Variants in MINAR1 observed in about 807,000 individuals in gnomAD.
MINAR1 encodes the protein membrane integral NOTCH2 associated receptor 1, also known as major intrinsically disordered Notch2-binding receptor 1.
A neutral mutation model predicts 65.1 loss-of-function variants in MINAR1; 40 were observed. The observed-to-expected ratio is 0.61, with a 90% CI of 0.48 to 0.80. The LOEUF is 0.80. Among genes scored for constraint, MINAR1 ranks in the 30% least tolerant of loss-of-function variants. The pLI, the probability that MINAR1 is intolerant of heterozygous loss-of-function variation, is 0.00. For missense variants in MINAR1, 1,128 were observed against 1,148.0 expected, an observed-to-expected ratio of 0.98 and a Z score of 0.25; for synonymous variants, 482 against 449.1, an observed-to-expected ratio of 1.07 and a Z score of -0.93.
At position 79,458,347 on chromosome 15, in the gene MINAR1, C is replaced by G; in HGVS notation, c.2200C>G (p.Arg734Gly). Residue 734 changes from arginine to glycine, a missense_variant, in exon 2 of 4, where the codon CGC becomes GGC. By Grantham distance (125) the Arg-to-Gly change is moderately radical (BLOSUM62 -2). Transcript: ENST00000305428. ...ASISNSPRDWRTITYTNRVGL... is the reference protein window; with the variant it reads ...ASISNSPRDWGTITYTNRVGL... Reference sequence around the variant, plus strand: ...CATCTCCAACTCGCCCAGAGACTGGCGCACCATCACTTATACCAACCGTGT... The same window carrying G: ...CATCTCCAACTCGCCCAGAGACTGGGGCACCATCACTTATACCAACCGTGT... The G allele has an allele frequency of 6.2e-7, 1 of 1,614,138 alleles. No individual in the cohort carries two copies. Among genetic ancestry groups the G allele is most frequent in the African/African-American group, 1.3e-5 (1 of 75,028 alleles).
chr15:79,457,815 C>A lies in MINAR1; in HGVS notation c.1668C>A (p.Cys556Ter). 5 of 1,614,124 alleles carry A rather than the reference C, an allele frequency of 3.1e-6. No individual in the cohort carries two copies. The highest frequency in any genetic ancestry group is 4.2e-6 in the Non-Finnish European group (5 of 1,180,022). The change falls in exon 2 of 4, where the codon TGC (cysteine) becomes TGA (stop). Residue 556 changes from cysteine (C) to a stop codon, truncating the protein, a stop_gained. Coordinates refer to ENST00000305428, the MANE Select transcript of MINAR1 (RefSeq NM_015206.3). LOFTEE classifies it high-confidence loss of function. Reference sequence around the variant, plus strand: ...TGTCTCAGCTCCATAAGTCAGACTGCGACAGTTCCCCTGAGCACAACTTAA... The same window carrying A: ...TGTCTCAGCTCCATAAGTCAGACTGAGACAGTTCCCCTGAGCACAACTTAA... ...GSLSQLHKSD[C>*]DSSPEHNLTK...
rs61746211 is a variant in MINAR1, at chr15:79,463,241, C to T, written c.2473C>T (p.Arg825Trp). ...MRLTELAEVK[R>W]GQPSWTIEEY... ...GCTGACCGAGTTGGCCGAGGTGAAG[C>T]GGGGCCAACCTTCTTGGACCATTGA... Residue 825 changes from arginine to tryptophan, a missense_variant, in exon 3 of 4, where the codon CGG becomes TGG. Transcript: ENST00000305428. The T allele has an allele frequency of 2.9e-3, 4,635 of 1,614,198 alleles. 6 individuals are homozygous for T. The highest frequency in any genetic ancestry group is 3.6e-3 in the Non-Finnish European group (4,290 of 1,180,046).
intron 1 of MINAR1, among the ~76,000 whole-genome samples, chr15:79,432,878 G>A (rs1250334806): frequency 6.6e-6 from 1 of 152,224 alleles, no homozygotes; most frequent in Non-Finnish European, 1.5e-5. Context: ...CATCGCTTCA[G>A]GAAACGGTGT....
chr15:79,463,551 T>G (rs1267145700), intron 3 of MINAR1: 2 of 660,916 alleles, frequency 3.0e-6, no homozygotes, highest in African/African-American at 3.6e-5. Context: ...AATGCTTGAT[T>G]GATTTATGTA....
chr15:79,466,760 G>A (rs986096963), intron 3 of MINAR1, among the ~76,000 whole-genome samples: 1 of 152,190 alleles, frequency 6.6e-6, no homozygotes, highest in Non-Finnish European at 1.5e-5. Context: ...TAGCTAAGGA[G>A]GGGACTCTTT....
chr15:79,466,350 C>A lies in MINAR1; in HGVS notation c.2554-1837C>A, dbSNP rs145962809. ...CTCTGTAAAGGACCAGATAGTAAATCCTTTAGGCCTTGTGGGCCTTATAAT... is the reference window on the plus strand; with the variant it reads ...CTCTGTAAAGGACCAGATAGTAAATACTTTAGGCCTTGTGGGCCTTATAAT... On this transcript the variant is annotated intron_variant, in intron 3 of 3. Coordinates refer to ENST00000305428, the MANE Select transcript of MINAR1 (RefSeq NM_015206.3). 2.3e-3 allele frequency among the ~76,000 whole-genome samples: 346 copies of A among 152,280 alleles called. 3 individuals carry two copies. The highest frequency in any genetic ancestry group is 8.1e-3 in the African/African-American group (338 of 41,566).
intron 1 of MINAR1, among the ~76,000 whole-genome samples, chr15:79,447,702 ATTTC>A (rs1429924967): frequency 1.3e-5 from 2 of 151,988 alleles, no homozygotes; most frequent in African/African-American, 4.8e-5. Context: ...TTTTACATTA[ATTTC>A]TTAGCTCAAG....
Position 79,458,406 on chromosome 15 carries a change from C to T in MINAR1, c.2259C>T (p.Gly753=). 1 of 1,612,270 alleles carries T rather than the reference C, an allele frequency of 6.2e-7. No homozygotes were observed. Among genetic ancestry groups the T allele is most frequent in the African/African-American group, 1.3e-5 (1 of 74,916 alleles). ...ATGAGGAGGAGATAAAAGACACAGG[C>T]CCAGGAGATAATAAAGACTGGCATC... ...GLNEEEIKDT[G]PGDNKDWHRK... Residue 753 remains glycine, a synonymous_variant, in exon 2 of 4, where the codon GGC becomes GGT. Coordinates refer to ENST00000305428, the MANE Select transcript of MINAR1 (RefSeq NM_015206.3).
At chr15:79,453,360 C>G (rs994433152) in intron 1 of MINAR1, among the ~76,000 whole-genome samples, 2 of 152,110 alleles carry the variant, frequency 1.3e-5, no homozygotes, top group Non-Finnish European at 2.9e-5. Flanking sequence ...CCCCTAACCC[C>G]ATACAGGACC....
At chr15:79,419,097 G>A in the MINAR1 span, 8 of 152,362 alleles carry the variant, frequency 5.3e-5, no homozygotes, top group East Asian at 1.4e-3. Context: ...GATGGGTGTT[G>A]GTTCATGCCT....
intron 2 of MINAR1, among the ~76,000 whole-genome samples, chr15:79,460,077 G>T (rs1895592942): frequency 6.6e-6 from 1 of 152,190 alleles, no homozygotes; most frequent in Non-Finnish European, 1.5e-5. Flanking sequence ...AAGCCAGCAG[G>T]AATGAGCAGA....
At chr15:79,437,566 G>A (rs967805268) in intron 1 of MINAR1, among the ~76,000 whole-genome samples, 1 of 150,978 alleles carries the variant, frequency 6.6e-6, no homozygotes, top group African/African-American at 2.4e-5. Flanking sequence ...TAGTGAGTGG[G>A]TGTGGGTGTG....
At chr15:79,424,366 T>A in the MINAR1 span, 9 of 152,238 alleles carry the variant, frequency 5.9e-5, no homozygotes, top group African/African-American at 2.2e-4. Context: ...TATTTAGGTA[T>A]GCTGAATTGA....
In MINAR1 at chr15:79,463,091, C is replaced by G. The variant is rs764555570; in HGVS notation, c.2323C>G (p.Pro775Ala). Residue 775 changes from proline to alanine, a missense_variant, in exon 3 of 4, where the codon CCA becomes GCA. Physicochemically the swap from Pro to Ala is conservative, Grantham distance 27. Transcript: ENST00000305428. ...GGCAGACAGGCAGTACGACATTCCC[C>G]CACAGCACCGACTGCCCAAGCAGCC... ...KEADRQYDIP[P>A]QHRLPKQPKD... is the part of the protein sequence containing the mutation. 1.9e-6 allele frequency: 3 copies of G among 1,613,846 alleles called. No homozygotes were observed. The highest frequency in any genetic ancestry group is 1.3e-5 in the African/African-American group (1 of 74,922).
chr15:79,462,992 C>T (rs986120754), intron 2 of MINAR1, 75 bp from the exon 3 acceptor site: 5 of 1,516,248 alleles, frequency 3.3e-6, no homozygotes, highest in Non-Finnish European at 8.9e-7. Flanking sequence ...AGGAAAGCTG[C>T]TGGCTGCTCA....
chr15:79,468,293 C>T lies in MINAR1; in HGVS notation c.2660C>T (p.Ala887Val). ...CGTAAAGAAGCCGAATTCAGACGAGCCAAGGTCTGCAAGATAGCTGCTCTG... is the reference window on the plus strand; with the variant it reads ...CGTAAAGAAGCCGAATTCAGACGAGTCAAGGTCTGCAAGATAGCTGCTCTG... The part of the protein sequence containing the change: ...LKRKEAEFRR[A>V]KVCKIAALIA... Residue 887 changes from alanine (A) to valine (V), a missense_variant, in exon 4 of 4, where the codon GCC (alanine) becomes GTC (valine). Ala to Val is a moderately conservative substitution (Grantham distance 64). Coordinates refer to ENST00000305428, the MANE Select transcript of MINAR1 (RefSeq NM_015206.3). 1.2e-6 allele frequency: 2 copies of T among 1,614,126 alleles called. No individual in the cohort carries two copies. Among genetic ancestry groups the T allele is most frequent in the Non-Finnish European group, 1.7e-6 (2 of 1,180,016 alleles).
chr15:79,442,725 G>C (rs540748748), intron 1 of MINAR1, among the ~76,000 whole-genome samples: 1 of 151,578 alleles, frequency 6.6e-6, no homozygotes, highest in East Asian at 1.9e-4. Flanking sequence ...TTTTTGGCAG[G>C]TCTCGGTAAA....
chr15:79,460,101 C>T (rs1895593413), intron 2 of MINAR1, among the ~76,000 whole-genome samples: 1 of 152,234 alleles, frequency 6.6e-6, no homozygotes, highest in African/African-American at 2.4e-5. Flanking sequence ...AAGCTTCAGT[C>T]AGATCCGCTC....
rs1895968809 is a variant in MINAR1, at chr15:79,468,811, G to T, written c.*427G>T. On this transcript the variant is annotated 3_prime_UTR_variant, in exon 4 of 4. Coordinates refer to ENST00000305428, the MANE Select transcript of MINAR1 (RefSeq NM_015206.3). The stretch of plus-strand genomic sequence containing the variant: ...TAGCAACATAAGAAGAAAAGAGGTG[G>T]CTTCTCTTTTCCATAATGTTCTTAG... The T allele has an allele frequency of 5.2e-6, 1 of 191,836 alleles. No homozygotes were observed. 11.9% of individuals were successfully genotyped at this position (191,836 alleles called of 1,614,324 possible).
Sources: allele counts gnomAD v4.1 joint callset (sites outside exome capture counted in the v4.1 genomes callset), GRCh38; gene constraint gnomAD v4.1.1; transcripts MANE v1.5; gene names NCBI Gene and HGNC (gene_info 2026-07-23, HGNC 2026-07-21).